The following CFAP47 variants were observed in gnomAD, a reference collection of about 807,000 sequenced individuals.
CFAP47 encodes cilia- and flagella-associated protein 47.
CFAP47 carries 29 observed loss-of-function variants against 148.1 expected under a neutral mutation model. The ratio of observed to expected loss-of-function variants is 0.20; its 90% CI spans 0.15 to 0.27. The LOEUF is 0.27. Ranked by LOEUF, CFAP47 falls within the 10% of genes least tolerant of loss-of-function variation. The probability of loss-of-function intolerance (pLI) is 1.00; values close to 1 mark genes in which losing one functional copy is unlikely to be tolerated. For missense variants in CFAP47, 1,872 were observed against 1,697.5 expected, an observed-to-expected ratio of 1.10 and a Z score of -1.81; for synonymous variants, 664 against 577.3, an observed-to-expected ratio of 1.15 and a Z score of -2.15.
At chrX:36,098,050 CAA>C (rs1938308954) in intron 30 of CFAP47, among the ~76,000 whole-genome samples, 1 of 111,630 alleles carries the variant, frequency 9.0e-6, no homozygotes, top group Admixed American at 9.5e-5. Flanking sequence ...AGCCTGTCTT[CAA>C]GCTCACTTTT....
chrX:36,285,670 A>G lies in CFAP47; in HGVS notation c.7630A>G (p.Ile2544Val). 3 of 1,113,026 alleles carry G rather than the reference A, an allele frequency of 2.7e-6. No homozygotes were observed. The highest frequency in any genetic ancestry group is 3.6e-6 in the Non-Finnish European group (3 of 824,348). The allele number at this position is 1,113,026 out of a possible 1,213,427, so 91.7% of individuals were successfully genotyped here. ...TTTAAGATTCTGGTATAATCTTGAG[A>G]TCCATAGCACTCCTGGACCACCCAT... ...NNLRFWYNLE[I>V]HSTPGPPIEI... The change falls in exon 51 of 64, where the codon ATC (isoleucine) becomes GTC (valine). Residue 2544 changes from isoleucine to valine, a missense_variant. By Grantham distance (29) the Ile-to-Val change is conservative (BLOSUM62 3). Coordinates refer to ENST00000378653, the MANE Select transcript of CFAP47 (RefSeq NM_001304548.2).
chrX:36,032,989 C>G (rs983171110), intron 23 of CFAP47, among the ~76,000 whole-genome samples: 3 of 111,318 alleles, frequency 2.7e-5, no homozygotes, highest in Non-Finnish European at 5.7e-5. Flanking sequence ...ATGCAGCTGG[C>G]CTCTAGAAAC....
At chrX:36,316,750 CTTCACGCAAG>C (rs1476578149) in intron 56 of CFAP47, among the ~76,000 whole-genome samples, 1 of 111,949 alleles carries the variant, frequency 8.9e-6, no homozygotes, top group Non-Finnish European at 1.9e-5. Context: ...GAATAGAACT[CTTCACGCAAG>C]GAGACATTCA....
chrX:36,232,997 T>C (rs1451939137), intron 46 of CFAP47, among the ~76,000 whole-genome samples: 3 of 112,081 alleles, frequency 2.7e-5, no homozygotes, highest in Non-Finnish European at 5.6e-5. Context: ...TTATAATTTC[T>C]GTTCTTTTAC....
At chrX:36,148,195 G>A (rs1015011372) in intron 36 of CFAP47, among the ~76,000 whole-genome samples, 1 of 111,496 alleles carries the variant, frequency 9.0e-6, no homozygotes, top group African/African-American at 3.3e-5. Flanking sequence ...GGTAAGGGGG[G>A]ATTCTGGCTA....
Position 36,009,768 on chromosome X carries a change from C to T in CFAP47, c.3418-5006C>T, listed in dbSNP as rs144217820. 3.7e-3 allele frequency among the ~76,000 whole-genome samples: 412 copies of T among 111,919 alleles called. 3 individuals are homozygous for T. The highest frequency in any genetic ancestry group is 0.014 in the Middle Eastern group (3 of 216). On this transcript the variant is annotated intron_variant, in intron 21 of 63. Transcript: ENST00000378653. ...TTGCCTATTAGGGCAATATGAATGA[C>T]TAGAGCTGAACATATGCACTTTATA... is the stretch of plus-strand genomic sequence containing the variant.
At chrX:36,132,330 A>G (rs180672661) in intron 33 of CFAP47, among the ~76,000 whole-genome samples, 1 of 112,064 alleles carries the variant, frequency 8.9e-6, no homozygotes, top group East Asian at 2.8e-4. Flanking sequence ...CAACTACATT[A>G]GACTGCTGGT....
chrX:36,342,342 G>T (rs782634167), intron 57 of CFAP47, among the ~76,000 whole-genome samples: 44 of 112,058 alleles, frequency 3.9e-4, no homozygotes, highest in African/African-American at 1.2e-3. Flanking sequence ...TAAATGTAGG[G>T]TGATGGCATT....
At chrX:36,376,371 G>A (rs1030153085) in intron 62 of CFAP47, among the ~76,000 whole-genome samples, 4 of 111,571 alleles carry the variant, frequency 3.6e-5, no homozygotes. Flanking sequence ...GTTCTTAGTA[G>A]TCCTCAGAAA....
intron 2 of CFAP47, among the ~76,000 whole-genome samples, chrX:35,933,312 G>A (rs1445763990): frequency 9.2e-6 from 1 of 108,819 alleles, no homozygotes; most frequent in African/African-American, 3.4e-5. Context: ...ACAAATAAGT[G>A]AGAAATAGAA....
intron 60 of CFAP47, among the ~76,000 whole-genome samples, chrX:36,360,100 T>C (rs1556019027): frequency 8.9e-6 from 1 of 111,945 alleles, no homozygotes; most frequent in African/African-American, 3.2e-5. Context: ...GAATGTGTCA[T>C]CTCACTGTTT....
intron 22 of CFAP47, among the ~76,000 whole-genome samples, chrX:36,020,912 C>A (rs1412131298): frequency 9.0e-6 from 1 of 110,865 alleles, no homozygotes; most frequent in Non-Finnish European, 1.9e-5. Context: ...TCCTTCCTGT[C>A]TTCCTCTTAG....
chrX:36,332,193 A>G (rs12850969), intron 57 of CFAP47, among the ~76,000 whole-genome samples: 1 of 112,081 alleles, frequency 8.9e-6, no homozygotes, highest in East Asian at 2.8e-4. Context: ...TCTGGAAATA[A>G]CAAAATATAT....
At chrX:35,975,056 G>T in intron 13 of CFAP47, 91 bp from the exon 14 acceptor site, 1 of 492,185 alleles carries the variant, frequency 2.0e-6, no homozygotes, top group Non-Finnish European at 3.2e-6. Flanking sequence ...TATACAAATT[G>T]GTTGATCAAA....
chrX:36,267,477 CT>C (rs1206035626), intron 49 of CFAP47, among the ~76,000 whole-genome samples: 11,965 of 81,846 alleles, frequency 0.15, 1,786 homozygotes, highest in African/African-American at 0.45. Context: ...GGTTCATGTT[CT>C]TTTTTTTTTT....
At chrX:36,192,386 GACAGACCCCTTT>G (rs1939875973) in intron 42 of CFAP47, among the ~76,000 whole-genome samples, 1 of 111,299 alleles carries the variant, frequency 9.0e-6, no homozygotes, top group Non-Finnish European at 1.9e-5. Flanking sequence ...AGGAGGGGTT[GACAGACCCCTTT>G]ACAAAGCACA....
rs927733472 is a variant in CFAP47 at position 36,105,216 on chromosome X, C to A, written c.5320+525C>A. On this transcript the variant is annotated intron_variant, in intron 33 of 63. Coordinates refer to ENST00000378653, the MANE Select transcript of CFAP47 (RefSeq NM_001304548.2). ...TGTTTTAGATGAATTTACATTCTAACAGAACTGTCCTTAAAATGCAGTTTT... is the reference window on the plus strand; with the variant it reads ...TGTTTTAGATGAATTTACATTCTAAAAGAACTGTCCTTAAAATGCAGTTTT... Among the ~76,000 whole-genome samples the A allele has an allele frequency of 3.6e-5, 4 of 111,814 alleles. No homozygotes were observed. The East Asian group carries it at 1.1e-3, about 32-fold the overall frequency.
chrX:36,288,914 T>C (rs10127385), intron 51 of CFAP47, among the ~76,000 whole-genome samples: 4,723 of 108,875 alleles, frequency 0.043, 303 homozygotes, highest in African/African-American at 0.15. Context: ...TTGCCAACCA[T>C]TTTTAAAAAG....
At chrX:35,968,438 A>T (rs976542131) in intron 10 of CFAP47, among the ~76,000 whole-genome samples, 1 of 111,948 alleles carries the variant, frequency 8.9e-6, no homozygotes, top group Non-Finnish European at 1.9e-5. Flanking sequence ...GTGAGAAGTG[A>T]ACCAGGCATC....
Sources: allele counts gnomAD v4.1 joint callset (sites outside exome capture counted in the v4.1 genomes callset), GRCh38; gene constraint gnomAD v4.1.1; transcripts MANE v1.5; gene names NCBI Gene and HGNC (gene_info 2026-07-23, HGNC 2026-07-21).